TMEM45A: variants seen among roughly 807,000 people sequenced by gnomAD.
TMEM45A encodes transmembrane protein 45A.
Under a neutral mutation model 32.0 loss-of-function variants are expected in TMEM45A, and 25 were observed. The ratio of observed to expected loss-of-function variants is 0.78; its 90% CI spans 0.57 to 1.09. The LOEUF is 1.09. Ranked by LOEUF, TMEM45A falls within the 50% of genes least tolerant of loss-of-function variation. The probability of loss-of-function intolerance (pLI) is 0.00; values close to 1 mark genes in which losing one functional copy is unlikely to be tolerated. For synonymous variants in TMEM45A, 122 were observed against 114.8 expected (o/e 1.06, Z -0.40); for missense variants, 302 against 325.0 (o/e 0.93, Z 0.54).
chr3:100,510,486 G>A (rs1708142040), intron 1 of TMEM45A, among the ~76,000 whole-genome samples: 2 of 152,190 alleles, frequency 1.3e-5, no homozygotes, highest in African/African-American at 4.8e-5. Flanking sequence ...CATCATCAAA[G>A]ACCAAAAGTA....
intron 1 of TMEM45A, among the ~76,000 whole-genome samples, chr3:100,546,264 A>G (rs192340182): frequency 6.6e-6 from 1 of 152,364 alleles, no homozygotes; most frequent in Admixed American, 6.5e-5. Context: ...TTGATAGCCC[A>G]GTGAGATCTG....
At chr3:100,494,699 C>G (rs894019516) in intron 1 of TMEM45A, among the ~76,000 whole-genome samples, 4 of 152,058 alleles carry the variant, frequency 2.6e-5, no homozygotes, top group African/African-American at 9.7e-5. Flanking sequence ...GATGGAGCAG[C>G]TGAAGTGATT....
At chr3:100,574,108 C>T (rs985738344) in intron 5 of TMEM45A, 1 of 152,070 alleles carries the variant, frequency 6.6e-6, no homozygotes, top group African/African-American at 2.4e-5. Context: ...ATGATGCTGG[C>T]CTCATGAAAT....
In TMEM45A at chr3:100,506,207, G is replaced by A. The variant is rs1193717165; in HGVS notation, c.-4+13279G>A. 5.3e-5 allele frequency among the ~76,000 whole-genome samples: 8 copies of A among 152,314 alleles called. No individual in the cohort carries two copies. The South Asian group carries it at 1.2e-3, about 24-fold the overall frequency. On this transcript the variant is annotated intron_variant, in intron 1 of 5. Transcript: ENST00000323523. ...GGGTATTGGTAGAACAGTCAGGAGG[G>A]CCTTGCCTCAGTAGTGGGGAATAAT...
chr3:100,564,599 T>A (rs1706392167), intron 4 of TMEM45A, among the ~76,000 whole-genome samples: 1 of 151,986 alleles, frequency 6.6e-6, no homozygotes, highest in Non-Finnish European at 1.5e-5. Flanking sequence ...TTCTCCTGCC[T>A]CAGTCTCCCA....
chr3:100,493,006 A>G (rs1707869377), intron 1 of TMEM45A, 78 bp downstream of exon 1: 1 of 152,094 alleles, frequency 6.6e-6, no homozygotes, highest in African/African-American at 2.4e-5. Context: ...TGTTCTCACC[A>G]GCTTTCTCTT....
At chr3:100,519,316 G>A (rs930392676) in intron 1 of TMEM45A, 8 of 529,228 alleles carry the variant, frequency 1.5e-5, no homozygotes, top group Non-Finnish European at 2.4e-5. Context: ...GTAAAAGTGT[G>A]GTAAGTTTTA....
At chr3:100,500,765 T>A (rs1209812462) in intron 1 of TMEM45A, among the ~76,000 whole-genome samples, 1 of 152,198 alleles carries the variant, frequency 6.6e-6, no homozygotes, top group African/African-American at 2.4e-5. Context: ...CTATCTTCTG[T>A]GGCTTAGTTT....
intron 1 of TMEM45A, among the ~76,000 whole-genome samples, chr3:100,553,721 G>A (rs76052923): frequency 1.4e-4 from 22 of 152,176 alleles, no homozygotes; most frequent in African/African-American, 5.3e-4. Context: ...GGCTTAGAAA[G>A]GTTAAGAAAC....
chr3:100,530,080 T>G (rs1475697373), intron 1 of TMEM45A, among the ~76,000 whole-genome samples: 1 of 152,210 alleles, frequency 6.6e-6, no homozygotes, highest in Non-Finnish European at 1.5e-5. Context: ...TAGAATAGTA[T>G]AACATACTGA....
Position 100,501,482 on chromosome 3 carries a change from T to G in TMEM45A, c.-4+8554T>G, listed in dbSNP as rs146170509. ...CAGGTGAGCTGGTGTCCTTCATTGC[T>G]GATGATGCTTAGAACTGGCCTCAAG... is the stretch of plus-strand genomic sequence containing the variant. On this transcript the variant is annotated intron_variant, in intron 1 of 5. Coordinates refer to ENST00000323523, the MANE Select transcript of TMEM45A (RefSeq NM_018004.3). 3.2e-3 allele frequency among the ~76,000 whole-genome samples: 480 copies of G among 152,318 alleles called. 4 individuals are homozygous for G. Among genetic ancestry groups the G allele is most frequent in the Non-Finnish European group, 5.1e-3 (349 of 68,020 alleles).
At chr3:100,550,727 C>T (rs1197246880) in intron 1 of TMEM45A, among the ~76,000 whole-genome samples, 4 of 152,178 alleles carry the variant, frequency 2.6e-5, no homozygotes, top group African/African-American at 9.7e-5. Context: ...TGAGTTAGAT[C>T]TTGGGCTCTG....
intron 4 of TMEM45A, among the ~76,000 whole-genome samples, chr3:100,563,946 T>C (rs1053603370): frequency 2.0e-5 from 3 of 152,254 alleles, no homozygotes. Flanking sequence ...CTTCCACAGA[T>C]GTTGACACAT....
At chr3:100,497,163 T>G (rs1406338574) in intron 1 of TMEM45A, among the ~76,000 whole-genome samples, 2 of 152,212 alleles carry the variant, frequency 1.3e-5, no homozygotes, top group African/African-American at 4.8e-5. Flanking sequence ...CTCTTTTCAG[T>G]ATGGCATAGT....
At chr3:100,499,140 G>T (rs1303000184) in intron 1 of TMEM45A, among the ~76,000 whole-genome samples, 1 of 151,842 alleles carries the variant, frequency 6.6e-6, no homozygotes, top group Non-Finnish European at 1.5e-5. Context: ...TCCATTCTTC[G>T]GGTTACCTTT....
intron 1 of TMEM45A, among the ~76,000 whole-genome samples, chr3:100,551,865 T>C (rs1706111297): frequency 6.6e-6 from 1 of 152,188 alleles, no homozygotes; most frequent in African/African-American, 2.4e-5. Context: ...AGGACTCCTT[T>C]CTTTCCCCAC....
At chr3:100,538,007 G>A (rs1705777502) in intron 1 of TMEM45A, among the ~76,000 whole-genome samples, 1 of 152,212 alleles carries the variant, frequency 6.6e-6, no homozygotes, top group Admixed American at 6.5e-5. Context: ...CAACACTGAA[G>A]AATGTTCTGC....
intron 2 of TMEM45A, among the ~76,000 whole-genome samples, chr3:100,556,358 C>G (rs368577818): frequency 6.6e-6 from 1 of 152,208 alleles, no homozygotes; most frequent in Non-Finnish European, 1.5e-5. Flanking sequence ...CAAGCACAAT[C>G]CCCTATTTTA....
At chr3:100,518,322 A>T (rs1705343483) in intron 1 of TMEM45A, among the ~76,000 whole-genome samples, 1 of 152,124 alleles carries the variant, frequency 6.6e-6, no homozygotes, top group South Asian at 2.1e-4. Flanking sequence ...ACTGTATGAA[A>T]CTGCTGTCCA....
Sources: gnomAD v4.1 joint callset for allele counts (sites outside exome capture counted in the v4.1 genomes callset) on GRCh38, gnomAD v4.1.1 for gene constraint, MANE v1.5 for transcripts, NCBI Gene and HGNC (gene_info 2026-07-23, HGNC 2026-07-21) for gene names.